SPATA13: variants seen among roughly 807,000 people sequenced by gnomAD.
The protein encoded by SPATA13 is spermatogenesis-associated protein 13.
SPATA13 carries 50 observed loss-of-function variants against 104.0 expected under a neutral mutation model. The ratio of observed to expected loss-of-function variants is 0.48; its 90% CI spans 0.38 to 0.61. SPATA13 has a LOEUF of 0.61. SPATA13 is among the 20% of genes least tolerant of loss of function. The pLI, the probability that SPATA13 is intolerant of heterozygous loss-of-function variation, is 0.00. For synonymous variants in SPATA13, 606 were observed against 667.5 expected (o/e 0.91, Z 1.42); for missense variants, 1,524 against 1,690.6 (o/e 0.90, Z 1.73).
chr13:24,261,893 A>G (rs1874079387), intron 4 of SPATA13, among the ~76,000 whole-genome samples: 1 of 152,200 alleles, frequency 6.6e-6, no homozygotes, highest in African/African-American at 2.4e-5. Context: ...AGCTGTGTTG[A>G]TGGTTTTCTC....
intron 3 of SPATA13, among the ~76,000 whole-genome samples, chr13:24,066,224 G>A (rs7991661): frequency 0.36 from 55,173 of 151,914 alleles, 10,104 homozygotes; most frequent in South Asian, 0.47. Context: ...ACCCCAAAAT[G>A]CCAAGCCCCA....
chr13:24,290,157 G>A (rs1876235800), intron 8 of SPATA13, among the ~76,000 whole-genome samples: 1 of 152,222 alleles, frequency 6.6e-6, no homozygotes, highest in Non-Finnish European at 1.5e-5. Flanking sequence ...CACCAGGGAA[G>A]GGGTCTTGGC....
At chr13:24,100,939 A>C (rs1039303609) in intron 3 of SPATA13, among the ~76,000 whole-genome samples, 1 of 152,252 alleles carries the variant, frequency 6.6e-6, no homozygotes, top group Non-Finnish European at 1.5e-5. Context: ...ACTGGGTTTT[A>C]GGGCATTGAA....
At chr13:24,100,838 C>T (rs1880236308) in intron 3 of SPATA13, among the ~76,000 whole-genome samples, 1 of 152,192 alleles carries the variant, frequency 6.6e-6, no homozygotes, top group African/African-American at 2.4e-5. Flanking sequence ...TCCAAGCTTC[C>T]CACCCTCCTT....
intron 2 of SPATA13, among the ~76,000 whole-genome samples, chr13:23,996,832 C>T (rs1051798925): frequency 1.3e-5 from 2 of 152,218 alleles, no homozygotes; most frequent in Non-Finnish European, 2.9e-5. Context: ...AGTCGCCTCC[C>T]TCTGACCTCT....
At chr13:24,237,117 T>C (rs981734441) in intron 2 of SPATA13, among the ~76,000 whole-genome samples, 1 of 152,086 alleles carries the variant, frequency 6.6e-6, no homozygotes, top group Non-Finnish European at 1.5e-5. Context: ...CAGCACTTTC[T>C]GAGGCCGAGG....
chr13:24,297,757 A>G (rs773229508), intron 11 of SPATA13, 22 bp downstream of exon 11: 25 of 1,592,152 alleles, frequency 1.6e-5, no homozygotes, highest in Non-Finnish European at 2.1e-5. Context: ...TTGGCTCTGC[A>G]GGCACCTGTG....
intron 3 of SPATA13, among the ~76,000 whole-genome samples, chr13:24,152,281 A>G (rs1882120190): frequency 6.6e-6 from 1 of 152,148 alleles, no homozygotes; most frequent in Non-Finnish European, 1.5e-5. Flanking sequence ...TGCCCCTTTT[A>G]TAAGGGCACT....
At chr13:24,215,705 G>A (rs1871230587) in intron 1 of SPATA13, among the ~76,000 whole-genome samples, 2 of 152,158 alleles carry the variant, frequency 1.3e-5, no homozygotes, top group African/African-American at 2.4e-5. Flanking sequence ...GGGGTATTCT[G>A]TGCTGACTGC....
At chr13:24,061,291 A>G (rs182362595) in intron 3 of SPATA13, among the ~76,000 whole-genome samples, 81 of 152,338 alleles carry the variant, frequency 5.3e-4, no homozygotes, top group African/African-American at 1.9e-3. Flanking sequence ...TGGTTTAGCC[A>G]TTGTAGAAAG....
chr13:24,005,245 C>T (rs991674077), intron 2 of SPATA13, among the ~76,000 whole-genome samples: 4 of 152,136 alleles, frequency 2.6e-5, no homozygotes, highest in African/African-American at 9.7e-5. Flanking sequence ...CATTTGAAAA[C>T]TGTTTTGATT....
At chr13:24,155,425 C>T (rs1422553511) in intron 3 of SPATA13, among the ~76,000 whole-genome samples, 1 of 152,036 alleles carries the variant, frequency 6.6e-6, no homozygotes, top group Non-Finnish European at 1.5e-5. Context: ...TCAATTAAAT[C>T]AAAGAGAATA....
intron 1 of SPATA13, among the ~76,000 whole-genome samples, chr13:24,213,351 C>G (rs981074339): frequency 1.3e-5 from 2 of 152,206 alleles, no homozygotes; most frequent in African/African-American, 4.8e-5. Context: ...ACTGTAACCT[C>G]CACCTCCTGG....
At position 24,297,714 on chromosome 13, in the gene SPATA13, G is replaced by A. The variant is rs1876894201; in HGVS notation, c.3562G>A (p.Val1188Met). 1 of 1,612,538 alleles carries A rather than the reference G, an allele frequency of 6.2e-7. No individual in the cohort carries two copies. The highest frequency in any genetic ancestry group is 8.5e-7 in the Non-Finnish European group (1 of 1,178,838). The stretch of plus-strand genomic sequence containing the variant: ...GGCCTGTGCAGATGAAAGGAGGCGG[G>A]TGCAAGAGGACAAGGAGATGGGTGA... ...LQACADERRR[V>M]QEDKEMGMEI... The change falls in exon 11 of 13, where the codon GTG becomes ATG. Residue 1188 changes from valine (V) to methionine (M), a missense_variant. Physicochemically the swap from Val to Met is conservative, Grantham distance 21. Transcript: ENST00000382108.
At chr13:24,276,984 C>A (rs1224947637) in intron 4 of SPATA13, among the ~76,000 whole-genome samples, 4 of 152,116 alleles carry the variant, frequency 2.6e-5, no homozygotes, top group African/African-American at 4.8e-5. Flanking sequence ...ATCAGCAATT[C>A]GTAATTCAAT....
At chr13:24,086,828 G>C (rs912136) in intron 3 of SPATA13, among the ~76,000 whole-genome samples, 74,452 of 151,312 alleles carry the variant, frequency 0.49, 18,751 homozygotes, top group Admixed American at 0.59. Context: ...AGTGGCAGCA[G>C]CTGAAGCCAG....
chr13:24,165,902 T>G (rs904029403), intron 1 of SPATA13, among the ~76,000 whole-genome samples: 5 of 152,322 alleles, frequency 3.3e-5, no homozygotes, highest in Admixed American at 6.5e-5. Flanking sequence ...CCCTGAGTCC[T>G]AAACAACTTG....
chr13:24,216,886 A>G (rs1047834531), intron 1 of SPATA13, among the ~76,000 whole-genome samples: 4 of 152,168 alleles, frequency 2.6e-5, no homozygotes, highest in African/African-American at 9.7e-5. Context: ...CCCTGTCTCT[A>G]CTAAAAATAC....
chr13:23,985,501 A>G (rs528661210), intron 2 of SPATA13, among the ~76,000 whole-genome samples: 5 of 152,216 alleles, frequency 3.3e-5, no homozygotes, highest in East Asian at 3.9e-4. Context: ...CCCATTTTTC[A>G]GCTCAGGGTC....
Sources: allele counts gnomAD v4.1 joint callset (sites outside exome capture counted in the v4.1 genomes callset), GRCh38; gene constraint gnomAD v4.1.1; transcripts MANE v1.5; gene names NCBI Gene and HGNC (gene_info 2026-07-23, HGNC 2026-07-21).